The following EMILIN2 variants were observed in gnomAD, a reference collection of about 807,000 sequenced individuals.
The protein encoded by EMILIN2 is EMILIN-2.
Under a neutral mutation model 87.1 loss-of-function variants are expected in EMILIN2, and 71 were observed. That is an observed-to-expected ratio of 0.82 (90% CI 0.67 to 0.99). The LOEUF (loss-of-function observed/expected upper bound fraction) is 0.99. Among genes scored for constraint, EMILIN2 ranks in the 50% least tolerant of loss-of-function variants. EMILIN2 has a pLI of 0.00. For synonymous variants in EMILIN2, 581 were observed against 563.4 expected (o/e 1.03, Z -0.44); for missense variants, 1,407 against 1,371.8 (o/e 1.03, Z -0.40).
chr18:2,850,189 C>T (rs1448783476), intron 2 of EMILIN2, among the ~76,000 whole-genome samples: 1 of 151,626 alleles, frequency 6.6e-6, no homozygotes, highest in Non-Finnish European at 1.5e-5. Flanking sequence ...ATCCGCCCGC[C>T]TCAGCCTGCC....
chr18:2,858,810 A>G (rs1441764575), intron 2 of EMILIN2, among the ~76,000 whole-genome samples: 1 of 150,550 alleles, frequency 6.6e-6, no homozygotes, highest in Admixed American at 6.6e-5. Flanking sequence ...TAATTTTTGT[A>G]TTTTTAGTTG....
At chr18:2,867,556 AC>A (rs1423439331) in intron 2 of EMILIN2, among the ~76,000 whole-genome samples, 1 of 152,148 alleles carries the variant, frequency 6.6e-6, no homozygotes, top group Admixed American at 6.5e-5. Flanking sequence ...ATGACTCTCA[AC>A]GAGCATGCTG....
rs142666093 is a variant in EMILIN2, at chr18:2,880,848, T to C, written c.258-4116T>C. On this transcript the variant is annotated intron_variant, in intron 2 of 7. Transcript: ENST00000254528. The surrounding 1 kb of genome is among the most constrained non-coding windows in gnomAD (Gnocchi z 4.1). ...GAAGTGGGTCCTGGGTCTGGGGCTT[T>C]TCCACTTTGGCTGCACTTGACAACG... is the stretch of plus-strand genomic sequence containing the variant. Among the ~76,000 whole-genome samples the C allele has an allele frequency of 9.6e-3, 1,466 of 152,322 alleles. 26 individuals are homozygous for C. Among genetic ancestry groups the C allele is most frequent in the African/African-American group, 0.033 (1,377 of 41,568 alleles).
intron 2 of EMILIN2, among the ~76,000 whole-genome samples, chr18:2,850,590 T>C (rs2076596807): frequency 6.6e-6 from 1 of 151,874 alleles, no homozygotes. Context: ...TTTTTATTTT[T>C]TTAGGGATGG....
intron 3 of EMILIN2, among the ~76,000 whole-genome samples, chr18:2,888,730 A>AAAGAG (rs1176869318): frequency 6.7e-6 from 1 of 149,020 alleles, no homozygotes. Context: ...AAAAAAAAAA[A>AAAGAG]AGAGAGAGAG....
In EMILIN2 at chr18:2,894,726, A is replaced by T. The variant is rs2144046038; in HGVS notation, c.2359+2240A>T. ...GTGTAGACTGCATGGAGTTTTGAGA[A>T]TTTCATTGATTGGAAAAGAGCCAGA... On this transcript the variant is annotated intron_variant, in intron 4 of 7. Coordinates refer to ENST00000254528, the MANE Select transcript of EMILIN2 (RefSeq NM_032048.3). This position sits in a 1 kb window ranked among gnomAD's most constrained non-coding sequence, Gnocchi z 5.0. Among the ~76,000 whole-genome samples the T allele has an allele frequency of 6.6e-6, 1 of 152,188 alleles. No individual in the cohort carries two copies. Among genetic ancestry groups the T allele is most frequent in the African/African-American group, 2.4e-5 (1 of 41,520 alleles).
chr18:2,857,222 G>GT (rs1239522398), intron 2 of EMILIN2, among the ~76,000 whole-genome samples: 1 of 152,136 alleles, frequency 6.6e-6, no homozygotes, highest in South Asian at 2.1e-4. Context: ...TGTAGGTGAA[G>GT]TTTTTTAAGT....
At chr18:2,867,846 G>A (rs970408614) in intron 2 of EMILIN2, among the ~76,000 whole-genome samples, 8 of 152,152 alleles carry the variant, frequency 5.3e-5, no homozygotes, top group South Asian at 2.1e-4. Flanking sequence ...ATCATGGCCC[G>A]TTCTCAATGA....
intron 5 of EMILIN2, among the ~76,000 whole-genome samples, chr18:2,908,221 T>C (rs2076923898): frequency 6.6e-6 from 1 of 152,224 alleles, no homozygotes; most frequent in African/African-American, 2.4e-5. Context: ...CATTTGTCCA[T>C]CCACGCACCC....
chr18:2,910,813 T>TA (rs2076937182), intron 7 of EMILIN2, among the ~76,000 whole-genome samples: 1 of 152,202 alleles, frequency 6.6e-6, no homozygotes, highest in Non-Finnish European at 1.5e-5. Flanking sequence ...TCTTAACTGT[T>TA]ATGTTAGCAA....
intron 4 of EMILIN2, among the ~76,000 whole-genome samples, chr18:2,898,826 A>G (rs2076875096): frequency 6.6e-6 from 1 of 152,156 alleles, no homozygotes; most frequent in Admixed American, 6.5e-5. Context: ...GTTTGGGGAG[A>G]GTTTAGGCCC....
At chr18:2,884,864 A>G (rs565289130) in intron 2 of EMILIN2, 100 bp from the exon 3 acceptor site, 2 of 1,286,894 alleles carry the variant, frequency 1.6e-6, no homozygotes, top group East Asian at 5.0e-5. Context: ...GAGAGCAGGC[A>G]GGGTCCTGCA....
intron 4 of EMILIN2, among the ~76,000 whole-genome samples, chr18:2,901,214 TCTC>T (rs2076886942): frequency 6.6e-6 from 1 of 152,168 alleles, no homozygotes; most frequent in African/African-American, 2.4e-5. Context: ...AACAGCCTCT[TCTC>T]TGTGACAAGA....
At chr18:2,888,608 G>A (rs1287959637) in intron 3 of EMILIN2, among the ~76,000 whole-genome samples, 1 of 151,644 alleles carries the variant, frequency 6.6e-6, no homozygotes, top group South Asian at 2.1e-4. Context: ...CCAGCTACTC[G>A]GGAGGCTGAG....
At chr18:2,869,547 T>C (rs1185897978) in intron 2 of EMILIN2, among the ~76,000 whole-genome samples, 2 of 152,228 alleles carry the variant, frequency 1.3e-5, no homozygotes, top group African/African-American at 4.8e-5. Flanking sequence ...ACTGGCTTCT[T>C]TCATTGAACA....
intron 4 of EMILIN2, among the ~76,000 whole-genome samples, chr18:2,903,838 T>C (rs1406263204): frequency 6.6e-6 from 1 of 152,228 alleles, no homozygotes; most frequent in African/African-American, 2.4e-5. Context: ...CCTGGACTGG[T>C]TATTTTCTAG....
chr18:2,881,011 C>A (rs2076774465), intron 2 of EMILIN2, among the ~76,000 whole-genome samples: 1 of 152,212 alleles, frequency 6.6e-6, no homozygotes, highest in Non-Finnish European at 1.5e-5. Context: ...GACCCAGAAT[C>A]CTCCTTTGTT....
rs114639807 is a variant in EMILIN2 at position 2,886,164 on chromosome 18, A to G, written c.433+1025A>G. On this transcript the variant is annotated intron_variant, in intron 3 of 7. Coordinates refer to ENST00000254528, the MANE Select transcript of EMILIN2 (RefSeq NM_032048.3). ...TCTCACAAATATTTATTGAACTTCT[A>G]TATCTGTCAGGCTCTATACTGGGTA... is the stretch of plus-strand genomic sequence containing the variant. Among the ~76,000 whole-genome samples the G allele has an allele frequency of 7.0e-3, 1,064 of 152,312 alleles. 15 individuals carry two copies. The highest frequency in any genetic ancestry group is 0.023 in the African/African-American group (970 of 41,560).
At position 2,906,922 on chromosome 18, in the gene EMILIN2, GA is replaced by G; in HGVS notation, c.2500del (p.Arg834GlyfsTer62). Reference protein sequence around the residue: ...PVLPQRPPEERPPQPPGSTGV... With the variant: ...PVLPQRPPEEXPPQPPGSTGV... ...TCCTGCCCCAGCGGCCCCCCGAGGA[GA>G]GGCCGCCCCAGCCGCCAGGCTCCAC... is the stretch of plus-strand genomic sequence containing the variant. On this transcript the variant is annotated frameshift_variant, in exon 5 of 8. Coordinates refer to ENST00000254528, the MANE Select transcript of EMILIN2 (RefSeq NM_032048.3). LOFTEE classifies it high-confidence loss of function. 7.2e-7 allele frequency: 1 copy of G among 1,396,886 alleles called. No homozygotes were observed. Among genetic ancestry groups the G allele is most frequent in the Non-Finnish European group, 9.3e-7 (1 of 1,072,974 alleles). 86.5% of individuals were successfully genotyped at this position (1,396,886 alleles called of 1,614,324 possible).
Sources: gnomAD v4.1 joint callset for allele counts (sites outside exome capture counted in the v4.1 genomes callset) on GRCh38, gnomAD v4.1.1 for gene constraint, Gnocchi (gnomAD v3.1) non-coding constraint, MANE v1.5 for transcripts, NCBI Gene and HGNC (gene_info 2026-07-23, HGNC 2026-07-21) for gene names.